CCDC7: variants seen among roughly 807,000 people sequenced by gnomAD.
The protein encoded by CCDC7 is coiled-coil domain containing 7.
A neutral mutation model predicts 196.9 loss-of-function variants in CCDC7; 183 were observed. The observed-to-expected ratio is 0.93, with a 90% CI of 0.82 to 1.05. The LOEUF (loss-of-function observed/expected upper bound fraction) is 1.05, where lower values mean the gene tolerates loss of function less well. CCDC7 is among the 50% of genes least tolerant of loss of function. CCDC7 has a pLI of 0.00. For synonymous variants in CCDC7, 525 were observed against 484.6 expected (o/e 1.08, Z -1.10); for missense variants, 1,540 against 1,482.2 (o/e 1.04, Z -0.64).
chr10:32,648,996 T>C (rs2068251321), intron 20 of CCDC7, among the ~76,000 whole-genome samples: 1 of 152,226 alleles, frequency 6.6e-6, no homozygotes, highest in African/African-American at 2.4e-5. Context: ...AACCAGATCA[T>C]GTCCTTTTGT....
At chr10:32,487,337 C>T (rs865777441) in intron 8 of CCDC7, among the ~76,000 whole-genome samples, 3 of 152,220 alleles carry the variant, frequency 2.0e-5, no homozygotes, top group African/African-American at 7.2e-5. Context: ...TCAGCTCCAT[C>T]AGTCCTTTAA....
At chr10:32,708,144 A>T (rs2080129665) in intron 24 of CCDC7, among the ~76,000 whole-genome samples, 1 of 151,650 alleles carries the variant, frequency 6.6e-6, no homozygotes, top group South Asian at 2.1e-4. Context: ...ATGGAAAAGA[A>T]TAGAGCCCTC....
At chr10:32,747,415 C>T (rs1354297337) in intron 28 of CCDC7, among the ~76,000 whole-genome samples, 1 of 152,086 alleles carries the variant, frequency 6.6e-6, no homozygotes, top group Non-Finnish European at 1.5e-5. Context: ...AAACTATCAA[C>T]AGAGTAAAGA....
At chr10:32,809,081 A>G (rs2086500261) in intron 30 of CCDC7, among the ~76,000 whole-genome samples, 2 of 152,192 alleles carry the variant, frequency 1.3e-5, no homozygotes, top group Non-Finnish European at 2.9e-5. Flanking sequence ...TCTTCAGGAA[A>G]AAGTTTTGCT....
intron 33 of CCDC7, among the ~76,000 whole-genome samples, chr10:32,843,639 T>C (rs1208188367): frequency 6.6e-6 from 1 of 152,032 alleles, no homozygotes; most frequent in African/African-American, 2.4e-5. Context: ...CTTTAGCACA[T>C]AGATTCTCTT....
At chr10:32,628,772 C>T (rs2064412796) in intron 18 of CCDC7, among the ~76,000 whole-genome samples, 1 of 151,824 alleles carries the variant, frequency 6.6e-6, no homozygotes, top group Non-Finnish European at 1.5e-5. Flanking sequence ...CATTGGTTTC[C>T]AGGACCATGT....
In CCDC7 at chr10:32,777,339, C is replaced by T. The variant is rs190172444; in HGVS notation, c.2906-1638C>T. On this transcript the variant is annotated intron_variant, in intron 28 of 41. Transcript: ENST00000639629. ...CTATTATGAATGGCACTGTGGTGAA[C>T]GTATGGATGCATGTGTCCATTTGGT... Among the ~76,000 whole-genome samples the T allele has an allele frequency of 1.4e-3, 215 of 152,268 alleles. 2 individuals carry two copies. Among genetic ancestry groups the T allele is most frequent in the African/African-American group, 4.7e-3 (196 of 41,552 alleles).
chr10:32,867,334 C>T (rs1158898065), intron 41 of CCDC7, among the ~76,000 whole-genome samples: 1 of 151,392 alleles, frequency 6.6e-6, no homozygotes, highest in Non-Finnish European at 1.5e-5. Flanking sequence ...AGTTACCCCT[C>T]TATAGTTCAG....
chr10:32,687,023 G>A (rs550585797), intron 22 of CCDC7, among the ~76,000 whole-genome samples: 1 of 152,322 alleles, frequency 6.6e-6, no homozygotes, highest in East Asian at 1.9e-4. Flanking sequence ...ATGCTGAAAA[G>A]GGCATTTGCT....
Position 32,511,707 on chromosome 10 carries a change from C to A in CCDC7, c.873-6238C>A, listed in dbSNP as rs566192008. On this transcript the variant is annotated intron_variant, in intron 9 of 41. Transcript: ENST00000639629. ...GCTGACAAATACTCGTGAATTTCTA[C>A]TGGATAGTCTTCATTAATTTCTTCA... 7 of 1,581,380 alleles carry A rather than the reference C, an allele frequency of 4.4e-6. No individual in the cohort carries two copies. In the East Asian group the frequency reaches 1.3e-4, roughly 30 times the overall value.
At chr10:32,448,246 TTC>T, upstream of CCDC7, among the ~76,000 whole-genome samples, 1 of 152,130 alleles carries the variant, frequency 6.6e-6, no homozygotes, top group South Asian at 2.1e-4. Flanking sequence ...TTTGAGAATT[TTC>T]TGTTTGTGCT....
chr10:32,646,102 G>A (rs1290296565), intron 20 of CCDC7, among the ~76,000 whole-genome samples: 1 of 144,872 alleles, frequency 6.9e-6, no homozygotes, highest in Non-Finnish European at 1.5e-5. Flanking sequence ...TTAGTTCTTT[G>A]AGGAGTAATG....
chr10:32,543,194 A>G, intron 11 of CCDC7, 106 bp from the exon 13 acceptor site: 1 of 1,080,378 alleles, frequency 9.3e-7, no homozygotes, highest in Non-Finnish European at 1.2e-6. Context: ...AACGTTGTAT[A>G]GTGACTCTCA....
chr10:32,803,206 T>C (rs958438299), intron 29 of CCDC7, among the ~76,000 whole-genome samples: 14 of 152,244 alleles, frequency 9.2e-5, no homozygotes, highest in Admixed American at 8.5e-4. Flanking sequence ...GTGATGAGAA[T>C]GTGTATTCAG....
chr10:32,733,782 A>G (rs1037220839), intron 28 of CCDC7, among the ~76,000 whole-genome samples: 2 of 152,116 alleles, frequency 1.3e-5, no homozygotes, highest in Non-Finnish European at 2.9e-5. Flanking sequence ...ATATTTATTT[A>G]TTGTGTGCAA....
intron 28 of CCDC7, among the ~76,000 whole-genome samples, chr10:32,741,022 ATTAT>A (rs1374839634): frequency 2.6e-5 from 4 of 152,030 alleles, no homozygotes; most frequent in African/African-American, 9.7e-5. Context: ...TATTCTCCTA[ATTAT>A]TATTTTATAC....
upstream of CCDC7, among the ~76,000 whole-genome samples, chr10:32,447,350 T>C (rs1401671186): frequency 2.6e-5 from 4 of 152,206 alleles, no homozygotes; most frequent in Non-Finnish European, 5.9e-5. Context: ...TTTCTATGTA[T>C]ATATAACCTT....
chr10:32,460,130 A>G (rs886267394), intron 3 of CCDC7, among the ~76,000 whole-genome samples: 2 of 152,214 alleles, frequency 1.3e-5, no homozygotes, highest in Admixed American at 1.3e-4. Context: ...ATTCACCTAT[A>G]TTAAATTTAT....
intron 25 of CCDC7, among the ~76,000 whole-genome samples, chr10:32,721,414 T>C (rs1315091793): frequency 1.3e-5 from 2 of 152,132 alleles, no homozygotes; most frequent in Non-Finnish European, 2.9e-5. Flanking sequence ...CAAAGGCAAA[T>C]GTGGATCACA....
Sources: gnomAD v4.1 joint callset for allele counts (sites outside exome capture counted in the v4.1 genomes callset) on GRCh38, gnomAD v4.1.1 for gene constraint, MANE v1.5 for transcripts, NCBI Gene and HGNC (gene_info 2026-07-23, HGNC 2026-07-21) for gene names.